The following MEF2A variants were observed in gnomAD, a reference collection of about 807,000 sequenced individuals.
The protein encoded by MEF2A is myocyte-specific enhancer factor 2A.
MEF2A carries 28 observed loss-of-function variants against 55.8 expected under a neutral mutation model. The ratio of observed to expected loss-of-function variants is 0.50; its 90% CI spans 0.37 to 0.69. MEF2A has a LOEUF of 0.69. Ranked by LOEUF, MEF2A falls within the 30% of genes least tolerant of loss-of-function variation. The probability of loss-of-function intolerance (pLI) is 0.00; values close to 1 mark genes in which losing one functional copy is unlikely to be tolerated. For missense variants in MEF2A, 528 were observed against 626.2 expected (o/e 0.84, Z 1.67); for synonymous variants, 239 against 227.1 (o/e 1.05, Z -0.47).
chr15:99,697,685 T>A (rs935573275), intron 8 of MEF2A, among the ~76,000 whole-genome samples: 3 of 152,184 alleles, frequency 2.0e-5, no homozygotes, highest in African/African-American at 4.8e-5. Context: ...TAAACACAAT[T>A]TCAAAATCCC....
chr15:99,645,397 C>T (rs1468372559), intron 3 of MEF2A, among the ~76,000 whole-genome samples, 164 bp from the exon 4 acceptor site: 2 of 152,194 alleles, frequency 1.3e-5, no homozygotes, highest in Non-Finnish European at 1.5e-5. Flanking sequence ...AAATGTAGGA[C>T]TGTAGCACAA....
At chr15:99,630,656 C>T (rs2042806773) in intron 2 of MEF2A, among the ~76,000 whole-genome samples, 2 of 152,260 alleles carry the variant, frequency 1.3e-5, no homozygotes, top group South Asian at 4.1e-4. Context: ...TATCTTTCTG[C>T]TGAGAATTAC....
chr15:99,670,988 A>G (rs1264721908), intron 4 of MEF2A, among the ~76,000 whole-genome samples: 1 of 152,194 alleles, frequency 6.6e-6, no homozygotes, highest in South Asian at 2.1e-4. Context: ...TAGTTCTTTC[A>G]TGCATTGGTT....
At chr15:99,651,495 A>G (rs2046844781) in intron 4 of MEF2A, among the ~76,000 whole-genome samples, 1 of 152,200 alleles carries the variant, frequency 6.6e-6, no homozygotes, top group African/African-American at 2.4e-5. Context: ...GGAAAGGGAA[A>G]AAATAATGAG....
intron 1 of MEF2A, among the ~76,000 whole-genome samples, chr15:99,570,965 A>G (rs577605260): frequency 9.9e-5 from 15 of 152,176 alleles, no homozygotes; most frequent in Admixed American, 9.8e-4. Flanking sequence ...CGGGCAGATC[A>G]CCTGAGGTCG....
At chr15:99,707,640 T>C (rs1597321040) in intron 10 of MEF2A, among the ~76,000 whole-genome samples, 1 of 152,194 alleles carries the variant, frequency 6.6e-6, no homozygotes, top group African/African-American at 2.4e-5. Context: ...GTGGTTTCGC[T>C]TTCTCATCAG....
intron 1 of MEF2A, among the ~76,000 whole-genome samples, chr15:99,597,267 C>A (rs967110120): frequency 6.6e-6 from 1 of 152,118 alleles, no homozygotes; most frequent in African/African-American, 2.4e-5. Flanking sequence ...GAATGCGCAC[C>A]TGGGGGTGGG....
At chr15:99,663,665 A>G (rs946652150) in intron 4 of MEF2A, among the ~76,000 whole-genome samples, 1 of 152,182 alleles carries the variant, frequency 6.6e-6, no homozygotes, top group African/African-American at 2.4e-5. Flanking sequence ...GAAAGAGCAT[A>G]AGCTAAAAGA....
At chr15:99,588,364 C>T (rs1011106784) in intron 1 of MEF2A, among the ~76,000 whole-genome samples, 10 of 151,866 alleles carry the variant, frequency 6.6e-5, no homozygotes, top group South Asian at 6.3e-4. Flanking sequence ...TGCAGTGGCA[C>T]GATCTTGGCT....
intron 2 of MEF2A, among the ~76,000 whole-genome samples, chr15:99,607,041 G>A (rs1051810845): frequency 1.3e-5 from 2 of 152,058 alleles, no homozygotes; most frequent in Non-Finnish European, 2.9e-5. Context: ...CTCAAATGAA[G>A]CCAGAAATCA....
intron 1 of MEF2A, among the ~76,000 whole-genome samples, chr15:99,578,092 T>G (rs1173483600): frequency 6.6e-6 from 1 of 152,218 alleles, no homozygotes; most frequent in African/African-American, 2.4e-5. Context: ...TATGCTAATT[T>G]CTGTTTTTTC....
intron 7 of MEF2A, among the ~76,000 whole-genome samples, chr15:99,682,496 A>C (rs187752663): frequency 1.5e-3 from 232 of 152,334 alleles, no homozygotes; most frequent in African/African-American, 5.4e-3. Context: ...CTATCTGAAA[A>C]ATATCTTCAT....
chr15:99,656,511 TTGA>T (rs1197445981), intron 4 of MEF2A, among the ~76,000 whole-genome samples: 6 of 152,122 alleles, frequency 3.9e-5, no homozygotes, highest in Non-Finnish European at 7.4e-5. Flanking sequence ...ACAAAATTAC[TTGA>T]ATAGAAATGC....
intron 7 of MEF2A, 124 bp from the exon 8 acceptor site, chr15:99,690,117 C>G (rs1055166881): frequency 1.6e-5 from 14 of 889,436 alleles, no homozygotes; most frequent in Non-Finnish European, 2.4e-5. Context: ...AAGGGATACT[C>G]AAACCTGTAG....
At chr15:99,661,601 A>G (rs1381429670) in intron 4 of MEF2A, among the ~76,000 whole-genome samples, 1 of 152,178 alleles carries the variant, frequency 6.6e-6, no homozygotes, top group Admixed American at 6.5e-5. Context: ...GCCTCACAAA[A>G]GAGAACATCC....
chr15:99,599,787 C>A lies in MEF2A; in HGVS notation c.-143+1276C>A, dbSNP rs547113195. Among the ~76,000 whole-genome samples, 8 of 152,136 alleles carry A rather than the reference C, an allele frequency of 5.3e-5. No homozygotes were observed. The East Asian group carries it at 1.4e-3, about 26-fold the overall frequency. On this transcript the variant is annotated intron_variant, in intron 2 of 11. Transcript: ENST00000557942. The stretch of plus-strand genomic sequence containing the variant: ...TTTCTTTTCTCATCATTACAGTTGG[C>A]CCTCTCTACCCATAGGTTCCTCATC...
chr15:99,605,544 A>G (rs553773188), intron 2 of MEF2A, among the ~76,000 whole-genome samples: 11 of 152,318 alleles, frequency 7.2e-5, no homozygotes, highest in African/African-American at 2.4e-4. Context: ...CAGACGTTAC[A>G]TTCTTCTTTA....
chr15:99,665,327 G>A (rs533324586), intron 4 of MEF2A, among the ~76,000 whole-genome samples: 3 of 152,250 alleles, frequency 2.0e-5, no homozygotes, highest in African/African-American at 7.2e-5. Context: ...AGAAAAACAA[G>A]CAATGGGGAA....
intron 2 of MEF2A, among the ~76,000 whole-genome samples, chr15:99,631,289 G>C (rs114811906): frequency 6.6e-6 from 1 of 152,178 alleles, no homozygotes; most frequent in African/African-American, 2.4e-5. Context: ...GCCTACTACA[G>C]TACAAGTGTT....
Sources: gnomAD v4.1 joint callset for allele counts (sites outside exome capture counted in the v4.1 genomes callset) on GRCh38, gnomAD v4.1.1 for gene constraint, MANE v1.5 for transcripts, NCBI Gene and HGNC (gene_info 2026-07-23, HGNC 2026-07-21) for gene names.